The following ATXN7L1 variants were observed in gnomAD, a reference collection of about 807,000 sequenced individuals.
ATXN7L1 encodes the protein ataxin-7-like protein 1.
In ATXN7L1, 15 loss-of-function variants were observed where a neutral mutation model predicts 70.8. The observed-to-expected ratio is 0.21, with a 90% CI of 0.14 to 0.33. ATXN7L1 has a LOEUF of 0.33. Ranked by LOEUF, ATXN7L1 falls within the 10% of genes least tolerant of loss-of-function variation. The pLI is 1.00. For missense variants in ATXN7L1, 975 were observed against 1,097.1 expected, an observed-to-expected ratio of 0.89 and a Z score of 1.57; for synonymous variants, 440 against 445.1, an observed-to-expected ratio of 0.99 and a Z score of 0.14.
intron 2 of ATXN7L1, among the ~76,000 whole-genome samples, chr7:105,860,500 T>C (rs1364479845): frequency 2.0e-5 from 3 of 152,174 alleles, no homozygotes; most frequent in East Asian, 3.9e-4. Context: ...TTCCAGTTCT[T>C]AGAATCTTGA....
intron 2 of ATXN7L1, among the ~76,000 whole-genome samples, chr7:105,843,977 T>C (rs1271013033): frequency 1.3e-5 from 2 of 152,208 alleles, no homozygotes; most frequent in African/African-American, 4.8e-5. Flanking sequence ...CAGCAGTATC[T>C]GTAGATCTAC....
intron 4 of ATXN7L1, among the ~76,000 whole-genome samples, chr7:105,658,188 G>A (rs1489860992): frequency 6.7e-6 from 1 of 149,418 alleles, no homozygotes; most frequent in Non-Finnish European, 1.5e-5. Context: ...CTGCACACTG[G>A]CCTGGGCGAC....
chr7:105,705,321 C>T (rs1235298040), intron 3 of ATXN7L1, among the ~76,000 whole-genome samples: 2 of 146,970 alleles, frequency 1.4e-5, no homozygotes, highest in Admixed American at 6.8e-5. Flanking sequence ...CCACCATGCC[C>T]GGCCGAGTAT....
At chr7:105,760,578 G>A (rs1335637092) in intron 3 of ATXN7L1, 29 of 985,306 alleles carry the variant, frequency 2.9e-5, no homozygotes, top group Non-Finnish European at 3.4e-5. Context: ...GTTAGGCTCT[G>A]AGGGATGCAA....
chr7:105,676,626 G>A (rs889615862), intron 3 of ATXN7L1, among the ~76,000 whole-genome samples: 1 of 152,120 alleles, frequency 6.6e-6, no homozygotes, highest in African/African-American at 2.4e-5. Context: ...GACCACTTGA[G>A]GTCAGGAGTT....
chr7:105,684,187 G>A (rs3887375), intron 3 of ATXN7L1, among the ~76,000 whole-genome samples: 7,390 of 152,260 alleles, frequency 0.049, 218 homozygotes, highest in Admixed American at 0.066. Context: ...CCCGTGTAAT[G>A]ACCACTCATG....
intron 10 of ATXN7L1, among the ~76,000 whole-genome samples, chr7:105,613,086 G>A (rs532822367): frequency 6.6e-6 from 1 of 152,322 alleles, no homozygotes; most frequent in Non-Finnish European, 1.5e-5. Context: ...GGCTGGGGCG[G>A]GGGTGGTGGT....
chr7:105,818,919 G>A (rs1030365101), intron 2 of ATXN7L1, among the ~76,000 whole-genome samples: 8 of 150,634 alleles, frequency 5.3e-5, no homozygotes, highest in Admixed American at 3.3e-4. Flanking sequence ...AAGTTCTAGG[G>A]TACATGTGCA....
chr7:105,843,198 G>GA lies in ATXN7L1; in HGVS notation c.250+32613dup, dbSNP rs907047765. On this transcript the variant is annotated intron_variant, in intron 2 of 11. Transcript: ENST00000419735. ...AATGGTGGCCCCAAGGTTAGGGTGGGATTTGGGAAGGCTGCACCAGCTCAC... is the reference window on the plus strand; with the variant it reads ...AATGGTGGCCCCAAGGTTAGGGTGGGAATTTGGGAAGGCTGCACCAGCTCAC... 4.6e-5 allele frequency among the ~76,000 whole-genome samples: 7 copies of GA among 152,296 alleles called. 1 individual carries two copies. The highest frequency in any genetic ancestry group is 1.4e-4 in the African/African-American group (6 of 41,566).
chr7:105,771,692 C>T (rs938605637), intron 3 of ATXN7L1, among the ~76,000 whole-genome samples: 3 of 152,130 alleles, frequency 2.0e-5, no homozygotes, highest in African/African-American at 7.2e-5. Context: ...ATTGTAATTA[C>T]CAGTTGACTG....
chr7:105,769,664 T>C (rs1179872263), intron 3 of ATXN7L1, among the ~76,000 whole-genome samples: 2 of 152,162 alleles, frequency 1.3e-5, no homozygotes, highest in Non-Finnish European at 2.9e-5. Context: ...TATTTGAATA[T>C]CCACTTTGCT....
intron 2 of ATXN7L1, among the ~76,000 whole-genome samples, chr7:105,842,320 C>A (rs1464477927): frequency 1.3e-5 from 2 of 152,024 alleles, no homozygotes; most frequent in East Asian, 3.9e-4. Flanking sequence ...CTACCACTAT[C>A]TAATATGAGA....
chr7:105,642,288 T>C (rs1382415928), intron 5 of ATXN7L1, among the ~76,000 whole-genome samples: 2 of 152,204 alleles, frequency 1.3e-5, no homozygotes, highest in African/African-American at 4.8e-5. Flanking sequence ...ACTGTTCCTG[T>C]TTGGGAATTC....
chr7:105,721,902 T>A (rs1392820865), intron 3 of ATXN7L1, among the ~76,000 whole-genome samples: 1 of 152,220 alleles, frequency 6.6e-6, no homozygotes, highest in Non-Finnish European at 1.5e-5. Context: ...GTAGCCTAAT[T>A]GAAATACAAT....
rs1179734695 is a variant in ATXN7L1 at position 105,624,191 on chromosome 7, G to C, written c.1279C>G (p.Pro427Ala). Residue 427 changes from proline to alanine, a missense_variant, in exon 8 of 12, where the codon CCG becomes GCG. Pro to Ala is a conservative substitution (Grantham distance 27). Around this residue, in one of 5 missense-constraint regions of ATXN7L1, gnomAD observed 635 missense variants for 699.4 expected, o/e 0.91. Transcript: ENST00000419735. ...CGGCTGGCGAGGTCACCTCCAACCG[G>C]TGGGAGTGGGGGCTCTGGAGTGTGG... ...SGHTPEPPLPPVGGDLASRLS... is the reference protein window; with the variant it reads ...SGHTPEPPLPAVGGDLASRLS... 2 of 1,529,452 alleles carry C rather than the reference G, an allele frequency of 1.3e-6. No individual in the cohort carries two copies. The highest frequency in any genetic ancestry group is 1.2e-5 in the South Asian group (1 of 81,120). The allele number at this position is 1,529,452 out of a possible 1,614,324, so 94.7% of individuals were successfully genotyped here. A position where few individuals can be genotyped will look rare whatever the true frequency, so the allele number is the denominator to read the frequency against.
chr7:105,651,400 C>T (rs1015531358), intron 4 of ATXN7L1, among the ~76,000 whole-genome samples: 1 of 152,224 alleles, frequency 6.6e-6, no homozygotes, highest in Non-Finnish European at 1.5e-5. Context: ...CCAGCATCTG[C>T]TCTCATCCAC....
intron 3 of ATXN7L1, among the ~76,000 whole-genome samples, chr7:105,777,789 C>T (rs76832472): frequency 0.042 from 6,411 of 152,282 alleles, 304 homozygotes; most frequent in East Asian, 0.29. Flanking sequence ...CTCAATACCC[C>T]CCAGTGTCTT....
At chr7:105,639,392 G>T (rs1405848788) in intron 6 of ATXN7L1, 95 bp downstream of exon 6, 2 of 977,598 alleles carry the variant, frequency 2.0e-6, no homozygotes, top group Admixed American at 2.1e-5. Context: ...TCATGTCGAG[G>T]TTCCACACCC....
chr7:105,653,031 C>A (rs931805458), intron 4 of ATXN7L1, among the ~76,000 whole-genome samples: 1 of 152,298 alleles, frequency 6.6e-6, no homozygotes, highest in African/African-American at 2.4e-5. Flanking sequence ...TCTTTTTAAA[C>A]CCTCAAGGGT....
Sources: allele counts gnomAD v4.1 joint callset (sites outside exome capture counted in the v4.1 genomes callset), GRCh38; gene constraint gnomAD v4.1.1; regional missense constraint gnomAD v4.1.1; transcripts MANE v1.5; gene names NCBI Gene and HGNC (gene_info 2026-07-23, HGNC 2026-07-21).